LRFN5: variants seen among roughly 807,000 people sequenced by gnomAD.
The protein encoded by LRFN5 is leucine rich repeat and fibronectin type III domain containing 5.
Under a neutral mutation model 45.6 loss-of-function variants are expected in LRFN5, and 24 were observed. The observed-to-expected ratio is 0.53, with a 90% CI of 0.38 to 0.74. LRFN5 has a LOEUF of 0.74. Among genes scored for constraint, LRFN5 ranks in the 30% least tolerant of loss-of-function variants. LRFN5 has a pLI of 0.00. For synonymous variants in LRFN5, 340 were observed against 313.8 expected (o/e 1.08, Z -0.88); for missense variants, 776 against 861.5 (o/e 0.90, Z 1.24).
intron 1 of LRFN5, among the ~76,000 whole-genome samples, chr14:41,711,158 A>G (rs1479691667): frequency 2.0e-5 from 3 of 152,214 alleles, no homozygotes; most frequent in African/African-American, 7.2e-5. Flanking sequence ...ACAAAGATGA[A>G]AAAAATGGTC....
Position 41,891,475 on chromosome 14 carries a change from T to G in LRFN5, c.1611T>G (p.Ile537Met). The G allele has an allele frequency of 6.2e-7, 1 of 1,614,154 alleles. No individual in the cohort carries two copies. The highest frequency in any genetic ancestry group is 8.5e-7 in the Non-Finnish European group (1 of 1,180,026). Residue 537 changes from isoleucine to methionine, a missense_variant, in exon 4 of 6, where the codon ATT (isoleucine) becomes ATG (methionine). Transcript: ENST00000298119. Reference sequence around the variant, plus strand: ...TGATTATTATTATTGGTGGAATCATTGTAGCATCTGTGCTGGTATTCATCA... The same window carrying G: ...TGATTATTATTATTGGTGGAATCATGGTAGCATCTGTGCTGGTATTCATCA... ...GTMIIIIGGIIVASVLVFIII... is the reference protein window; with the variant it reads ...GTMIIIIGGIMVASVLVFIII...
intron 2 of LRFN5, among the ~76,000 whole-genome samples, chr14:41,835,422 C>T (rs989609127): frequency 6.6e-6 from 1 of 152,172 alleles, no homozygotes; most frequent in African/African-American, 2.4e-5. Flanking sequence ...TGAGCAGATG[C>T]TTATGTTTGG....
chr14:41,842,915 G>A (rs755163286), intron 2 of LRFN5, among the ~76,000 whole-genome samples: 1 of 151,746 alleles, frequency 6.6e-6, no homozygotes, highest in Non-Finnish European at 1.5e-5. Flanking sequence ...AATACTTCTC[G>A]AATGAAGTAT....
intron 1 of LRFN5, among the ~76,000 whole-genome samples, chr14:41,723,624 CTGGT>C (rs1315480138): frequency 6.6e-6 from 1 of 152,098 alleles, no homozygotes; most frequent in Non-Finnish European, 1.5e-5. Context: ...CACACACAGA[CTGGT>C]TCCAGGTCCC....
At chr14:41,811,070 T>C (rs1309079729) in intron 2 of LRFN5, among the ~76,000 whole-genome samples, 1 of 152,104 alleles carries the variant, frequency 6.6e-6, no homozygotes, top group African/African-American at 2.4e-5. Flanking sequence ...AAGGGCTTAA[T>C]AATAAAAAGA....
rs1293447585 is a variant in LRFN5 at position 41,607,063 on chromosome 14, G to A, written c.-1696G>A. Reference sequence around the variant, plus strand: ...GACTCGCCCCAGCGCGGTGGCCAGCGGGCGGGGCGCTGTGTTCCGCGGCGC... The same window carrying A: ...GACTCGCCCCAGCGCGGTGGCCAGCAGGCGGGGCGCTGTGTTCCGCGGCGC... On this transcript the variant is annotated 5_prime_UTR_variant, in exon 1 of 6. Transcript: ENST00000298119. Among the ~76,000 whole-genome samples, 1 of 152,164 alleles carries A rather than the reference G, an allele frequency of 6.6e-6. No individual in the cohort carries two copies. Among genetic ancestry groups the A allele is most frequent in the Non-Finnish European group, 1.5e-5 (1 of 68,010 alleles).
At chr14:41,874,853 C>A (rs981299006) in intron 2 of LRFN5, among the ~76,000 whole-genome samples, 1 of 152,170 alleles carries the variant, frequency 6.6e-6, no homozygotes, top group African/African-American at 2.4e-5. Context: ...GAGAAGCAAA[C>A]ATGTCCTTCT....
At chr14:41,735,280 T>TA (rs1277225330) in intron 1 of LRFN5, among the ~76,000 whole-genome samples, 1 of 152,112 alleles carries the variant, frequency 6.6e-6, no homozygotes, top group African/African-American at 2.4e-5. Flanking sequence ...ATTTTATATA[T>TA]TTTTTGATAC....
At chr14:41,616,877 A>G (rs1594552129) in intron 1 of LRFN5, among the ~76,000 whole-genome samples, 1 of 152,128 alleles carries the variant, frequency 6.6e-6, no homozygotes. Flanking sequence ...CCAATCCAAG[A>G]TATGTTTAAG....
intron 2 of LRFN5, among the ~76,000 whole-genome samples, chr14:41,878,991 A>G (rs1300474210): frequency 6.6e-6 from 1 of 152,060 alleles, no homozygotes; most frequent in Non-Finnish European, 1.5e-5. Context: ...TCTTGTCCAA[A>G]TAACTTGGGA....
chr14:41,845,612 T>C (rs1889034967), intron 2 of LRFN5, among the ~76,000 whole-genome samples: 2 of 152,126 alleles, frequency 1.3e-5, no homozygotes, highest in African/African-American at 4.8e-5. Context: ...AATTCTGACA[T>C]ATATAAATGT....
chr14:41,793,955 C>T (rs940435065), intron 2 of LRFN5, among the ~76,000 whole-genome samples: 1 of 152,084 alleles, frequency 6.6e-6, no homozygotes, highest in Admixed American at 6.6e-5. Flanking sequence ...TCCTTTGCCA[C>T]ATGCAGAAAC....
intron 2 of LRFN5, among the ~76,000 whole-genome samples, chr14:41,794,561 G>A (rs951756045): frequency 6.6e-6 from 1 of 151,948 alleles, no homozygotes; most frequent in Non-Finnish European, 1.5e-5. Context: ...TTCATATGCA[G>A]GATAAGTGCA....
chr14:41,722,565 GTTT>G (rs201341679), intron 1 of LRFN5, among the ~76,000 whole-genome samples: 1,496 of 145,802 alleles, frequency 0.01, 9 homozygotes, highest in East Asian at 0.016. Flanking sequence ...AAAATACGGT[GTTT>G]TTTTTTTTTC....
chr14:41,645,280 G>T (rs751480087), intron 1 of LRFN5, among the ~76,000 whole-genome samples: 1 of 152,120 alleles, frequency 6.6e-6, no homozygotes, highest in Non-Finnish European at 1.5e-5. Context: ...TGTCACCCAG[G>T]CTGGAGCGCA....
Position 41,702,987 on chromosome 14 carries a change from C to G in LRFN5, c.-196-63867C>G, listed in dbSNP as rs1455174721. 2.0e-5 allele frequency among the ~76,000 whole-genome samples: 3 copies of G among 151,872 alleles called. No homozygotes were observed. The East Asian group carries it at 5.8e-4, about 29-fold the overall frequency. On this transcript the variant is annotated intron_variant, in intron 1 of 5. Coordinates refer to ENST00000298119, the MANE Select transcript of LRFN5 (RefSeq NM_152447.5). ...GGCACCCCTTTATCACTTTCAAATT[C>G]GAATGTGTGACAATTATTAAAAGAT... is the stretch of plus-strand genomic sequence containing the variant.
intron 2 of LRFN5, among the ~76,000 whole-genome samples, chr14:41,777,688 T>C (rs1226395482): frequency 2.0e-5 from 3 of 151,838 alleles, no homozygotes; most frequent in Non-Finnish European, 4.4e-5. Flanking sequence ...TCAAGGTCAT[T>C]CTTATGTTTT....
At chr14:41,639,561 C>T (rs1238978043) in intron 1 of LRFN5, among the ~76,000 whole-genome samples, 1 of 151,964 alleles carries the variant, frequency 6.6e-6, no homozygotes, top group African/African-American at 2.4e-5. Flanking sequence ...AAAACTTGAC[C>T]TACCTACCTC....
intron 1 of LRFN5, among the ~76,000 whole-genome samples, chr14:41,674,409 G>A (rs867758874): frequency 6.5e-4 from 89 of 137,502 alleles, no homozygotes; most frequent in Non-Finnish European, 9.9e-4. Context: ...CGGACGGGGC[G>A]GCTGGCCGGG....
Sources: gnomAD v4.1 joint callset for allele counts (sites outside exome capture counted in the v4.1 genomes callset) on GRCh38, gnomAD v4.1.1 for gene constraint, MANE v1.5 for transcripts, NCBI Gene and HGNC (gene_info 2026-07-23, HGNC 2026-07-21) for gene names.